Variants in OTOGL observed in about 807,000 individuals in gnomAD.
The protein encoded by OTOGL is otogelin like, also known as otogelin-like protein.
In OTOGL, 285 loss-of-function variants were observed where a neutral mutation model predicts 318.5. The ratio of observed to expected loss-of-function variants is 0.89; its 90% CI spans 0.81 to 0.99. OTOGL has a LOEUF of 0.99. OTOGL is among the 50% of genes least tolerant of loss of function. The probability of loss-of-function intolerance (pLI) is 0.00; values close to 1 mark genes in which losing one functional copy is unlikely to be tolerated. For missense variants in OTOGL, 2,899 were observed against 2,845.6 expected (o/e 1.02, Z -0.43); for synonymous variants, 987 against 936.5 (o/e 1.05, Z -0.99).
intron 1 of OTOGL, among the ~76,000 whole-genome samples, chr12:80,207,358 C>T (rs1876887092): frequency 6.6e-6 from 1 of 152,114 alleles, no homozygotes; most frequent in South Asian, 2.1e-4. Context: ...TGCGCCACCA[C>T]TCCCAGCTAT....
chr12:80,152,058 T>C (rs1428172394), intron 1 of OTOGL, among the ~76,000 whole-genome samples: 1 of 152,132 alleles, frequency 6.6e-6, no homozygotes, highest in Non-Finnish European at 1.5e-5. Context: ...TTCTACTCAA[T>C]TGAGAACAGT....
intron 33 of OTOGL, among the ~76,000 whole-genome samples, chr12:80,319,377 T>C (rs948942265): frequency 6.6e-6 from 1 of 152,170 alleles, no homozygotes; most frequent in African/African-American, 2.4e-5. Flanking sequence ...TGTATAAGCT[T>C]AGGAATTTAT....
At chr12:80,181,730 G>A (rs1235611214) in intron 1 of OTOGL, among the ~76,000 whole-genome samples, 1 of 152,060 alleles carries the variant, frequency 6.6e-6, no homozygotes, top group Non-Finnish European at 1.5e-5. Context: ...ACTGCAGCAT[G>A]CCACATGGTG....
chr12:80,285,923 T>A (rs1884585490), intron 26 of OTOGL, among the ~76,000 whole-genome samples: 3 of 152,296 alleles, frequency 2.0e-5, no homozygotes, highest in South Asian at 4.2e-4. Flanking sequence ...ATAAGAGTGG[T>A]AAGAGGGGGC....
rs1491368045 is a variant in OTOGL at position 80,117,266 on chromosome 12, A to AT, written c.-20+17661_-20+17662insT. On this transcript the variant is annotated intron_variant, in intron 1 of 58. Coordinates refer to ENST00000547103, the MANE Select transcript of OTOGL (RefSeq NM_001378609.3). ...AAGCTATCTCTGGGTGACTTAAAAA[A>AT]ATATATATATATAAAATGGAACTCA... is the stretch of plus-strand genomic sequence containing the variant. Among the ~76,000 whole-genome samples, 55 of 152,018 alleles carry AT rather than the reference A, an allele frequency of 3.6e-4. No individual in the cohort carries two copies. In the East Asian group the frequency reaches 6.2e-3, roughly 17 times the overall value.
chr12:80,104,507 G>C (rs1869336061), intron 1 of OTOGL, among the ~76,000 whole-genome samples: 1 of 152,152 alleles, frequency 6.6e-6, no homozygotes, highest in Non-Finnish European at 1.5e-5. Flanking sequence ...CACTTAGCTA[G>C]CTAGTGCCAA....
intron 38 of OTOGL, among the ~76,000 whole-genome samples, chr12:80,333,359 C>T (rs926888507): frequency 6.6e-6 from 1 of 150,702 alleles, no homozygotes; most frequent in African/African-American, 2.4e-5. Flanking sequence ...GTGAATCAGG[C>T]ATTCATAAAA....
intron 9 of OTOGL, among the ~76,000 whole-genome samples, chr12:80,236,105 A>G (rs769468180): frequency 1.3e-5 from 2 of 152,182 alleles, no homozygotes; most frequent in Non-Finnish European, 2.9e-5. Context: ...CTGCATTCCA[A>G]CTCATCCTTC....
intron 15 of OTOGL, 88 bp downstream of exon 15, chr12:80,254,658 C>T: frequency 9.5e-7 from 1 of 1,048,638 alleles, no homozygotes; most frequent in Non-Finnish European, 1.4e-6. Flanking sequence ...GAAGACATCT[C>T]ATATATACCA....
intron 24 of OTOGL, among the ~76,000 whole-genome samples, chr12:80,275,043 C>T (rs1236386842): frequency 2.0e-5 from 3 of 152,070 alleles, no homozygotes; most frequent in Non-Finnish European, 4.4e-5. Flanking sequence ...TGCTTGCTAA[C>T]ACATTTATTT....
intron 53 of OTOGL, among the ~76,000 whole-genome samples, chr12:80,366,853 A>G (rs1215600935): frequency 6.6e-6 from 1 of 151,760 alleles, no homozygotes; most frequent in Admixed American, 6.6e-5. Flanking sequence ...AAATATAAAT[A>G]TTTTTTCAGA....
At chr12:80,297,039 ACTC>A (rs1378644178) in intron 27 of OTOGL, 78 bp downstream of exon 27, 2 of 1,276,044 alleles carry the variant, frequency 1.6e-6, no homozygotes, top group Admixed American at 2.5e-5. Context: ...GATTTGGTCT[ACTC>A]CTCTCTGTAA....
At chr12:80,112,358 C>T (rs540299206) in intron 1 of OTOGL, among the ~76,000 whole-genome samples, 61 of 152,102 alleles carry the variant, frequency 4.0e-4, no homozygotes, top group Non-Finnish European at 7.8e-4. Context: ...TTTGCCCATT[C>T]GGTATGGTAT....
At position 80,251,700 on chromosome 12, in the gene OTOGL, G is replaced by C. The variant is rs1452838493; in HGVS notation, c.1060G>C (p.Asp354His). 1 of 1,585,264 alleles carries C rather than the reference G, an allele frequency of 6.3e-7. No homozygotes were observed. The highest frequency in any genetic ancestry group is 2.3e-5 in the East Asian group (1 of 44,066). ...TGTCTTTTCACTTTCTAGAACTGAT[G>C]ATGATGAAACCTATTGCCGAGCAGC... ...SCVNDLCKTD[D>H]DETYCRAATE... Residue 354 changes from aspartate to histidine, a missense_variant, in exon 12 of 59, where the codon GAT becomes CAT. Transcript: ENST00000547103.
intron 24 of OTOGL, among the ~76,000 whole-genome samples, chr12:80,277,476 A>ATT (rs67768768): frequency 6.8e-6 from 1 of 146,804 alleles, no homozygotes; most frequent in African/African-American, 2.5e-5. Context: ...ACTTAATTAT[A>ATT]TATATTTAAA....
intron 4 of OTOGL, among the ~76,000 whole-genome samples, chr12:80,214,989 T>C (rs1877577894): frequency 1.3e-5 from 2 of 152,160 alleles, no homozygotes; most frequent in Admixed American, 1.3e-4. Flanking sequence ...TAGGATGTTG[T>C]TGTAGCCAGA....
intron 7 of OTOGL, among the ~76,000 whole-genome samples, chr12:80,226,132 C>A (rs531892416): frequency 6.7e-5 from 10 of 148,826 alleles, no homozygotes; most frequent in African/African-American, 1.2e-4. Context: ...CTTCCTGTTA[C>A]GGAAAATGAG....
chr12:80,260,406 A>G (rs546543688), intron 18 of OTOGL, among the ~76,000 whole-genome samples: 1 of 152,248 alleles, frequency 6.6e-6, no homozygotes, highest in Admixed American at 6.5e-5. Context: ...ACAATGGGTC[A>G]GCAGTCAATG....
At chr12:80,128,589 C>T (rs1871017629) in intron 1 of OTOGL, among the ~76,000 whole-genome samples, 1 of 152,202 alleles carries the variant, frequency 6.6e-6, no homozygotes, top group Admixed American at 6.5e-5. Context: ...ACATTTAAGT[C>T]TGCAGAGGTT....
Sources: allele counts gnomAD v4.1 joint callset (sites outside exome capture counted in the v4.1 genomes callset), GRCh38; gene constraint gnomAD v4.1.1; transcripts MANE v1.5; gene names NCBI Gene and HGNC (gene_info 2026-07-23, HGNC 2026-07-21).